BPTF: variants seen among roughly 807,000 people sequenced by gnomAD.
The protein encoded by BPTF is bromodomain PHD finger transcription factor.
In BPTF, 18 loss-of-function variants were observed where a neutral mutation model predicts 292.5. That is an observed-to-expected ratio of 0.06 (90% CI 0.04 to 0.09). BPTF has a LOEUF of 0.09. Among genes scored for constraint, BPTF ranks in the 10% least tolerant of loss-of-function variants. BPTF has a pLI of 1.00. For missense variants in BPTF, 2,726 were observed against 3,498.7 expected (o/e 0.78, Z 5.57); for synonymous variants, 1,225 against 1,251.9 (o/e 0.98, Z 0.45).
In BPTF at chr17:67,924,482, C is replaced by T. The variant is rs979653985; in HGVS notation, c.5709-65C>T. The T allele has an allele frequency of 1.1e-5, 16 of 1,478,156 alleles. No individual in the cohort carries two copies. In the African/African-American group the frequency reaches 2.3e-4, roughly 21 times the overall value. 91.6% of individuals were successfully genotyped at this position (1,478,156 alleles called of 1,614,324 possible). ...TGATGTGAAAATCAACCAGATTTCA[C>T]TCTTATTAGATGCCAGATGCCTAAC... On this transcript the variant is annotated intron_variant, in intron 14 of 27. Coordinates refer to ENST00000306378, the MANE Select transcript of BPTF (RefSeq NM_182641.4).
At chr17:67,921,698 GAAGT>G (rs1267833558) in intron 13 of BPTF, among the ~76,000 whole-genome samples, 5 of 152,098 alleles carry the variant, frequency 3.3e-5, no homozygotes, top group Admixed American at 1.3e-4. Flanking sequence ...GAGTACCAAT[GAAGT>G]AATACCTGTT....
At chr17:67,866,113 CCT>C in intron 2 of BPTF, among the ~76,000 whole-genome samples, 1 of 152,044 alleles carries the variant, frequency 6.6e-6, no homozygotes, top group African/African-American at 2.4e-5. Context: ...AGAGTGAGAC[CCT>C]GTCTCTAAAA....
intron 1 of BPTF, among the ~76,000 whole-genome samples, chr17:67,840,721 C>G (rs1372884685): frequency 6.6e-6 from 1 of 151,728 alleles, no homozygotes; most frequent in Non-Finnish European, 1.5e-5. Context: ...TGCCACTATG[C>G]CTGGCTAATT....
chr17:67,828,849 G>A (rs2056371315), intron 1 of BPTF, among the ~76,000 whole-genome samples: 1 of 152,168 alleles, frequency 6.6e-6, no homozygotes, highest in South Asian at 2.1e-4. Context: ...TTTTCTTAAT[G>A]ACACTTGTGT....
chr17:67,841,772 T>C (rs2057571589), intron 1 of BPTF, among the ~76,000 whole-genome samples: 1 of 152,202 alleles, frequency 6.6e-6, no homozygotes, highest in Admixed American at 6.5e-5. Context: ...CTCTTTTAAT[T>C]AATGTGTTTT....
chr17:67,864,090 T>G (rs1025575347), intron 2 of BPTF, among the ~76,000 whole-genome samples: 3 of 152,104 alleles, frequency 2.0e-5, no homozygotes, highest in African/African-American at 7.2e-5. Context: ...AACCAGAGCT[T>G]CTACAGAACC....
chr17:67,963,182 G>A, intron 24 of BPTF: 1 of 921,134 alleles, frequency 1.1e-6, no homozygotes, highest in Non-Finnish European at 1.5e-6. Flanking sequence ...GAGTTTGCCA[G>A]GAGTAGAATG....
chr17:67,951,995 C>CA (rs1210124791), intron 23 of BPTF, among the ~76,000 whole-genome samples: 1 of 134,964 alleles, frequency 7.4e-6, no homozygotes, highest in East Asian at 2.2e-4. Flanking sequence ...GTGGAGGTTG[C>CA]AGTGACCCGA....
At chr17:67,980,766 G>A (rs1599087618) in intron 27 of BPTF, among the ~76,000 whole-genome samples, 3 of 152,216 alleles carry the variant, frequency 2.0e-5, no homozygotes, top group South Asian at 4.1e-4. Flanking sequence ...TTCTTGCCAC[G>A]TGGTTATTTT....
intron 27 of BPTF, among the ~76,000 whole-genome samples, chr17:67,976,714 A>AAAAAAAAG (rs1555694156): frequency 1.2e-4 from 14 of 116,568 alleles, no homozygotes; most frequent in African/African-American, 5.0e-4. Flanking sequence ...AAAAAAAAAA[A>AAAAAAAAG]ATAAGAATAA....
intron 2 of BPTF, among the ~76,000 whole-genome samples, chr17:67,862,255 C>A (rs960269879): frequency 6.6e-6 from 1 of 152,150 alleles, no homozygotes; most frequent in Non-Finnish European, 1.5e-5. Flanking sequence ...GGATTACAGG[C>A]GTGAGCCATC....
At chr17:67,904,901 T>G (rs2062071840) in intron 9 of BPTF, 61 bp downstream of exon 9, 2 of 1,328,942 alleles carry the variant, frequency 1.5e-6, no homozygotes, top group Admixed American at 4.5e-5. Context: ...CTTATAAATT[T>G]GTAGTATTTT....
chr17:67,950,162 G>A (rs2066206144), intron 23 of BPTF, among the ~76,000 whole-genome samples: 1 of 151,662 alleles, frequency 6.6e-6, no homozygotes, highest in African/African-American at 2.4e-5. Flanking sequence ...CTTTGGAGAG[G>A]CCGAGGCGGG....
At chr17:67,957,732 G>C (rs1555681731) in intron 23 of BPTF, among the ~76,000 whole-genome samples, 2 of 152,190 alleles carry the variant, frequency 1.3e-5, no homozygotes, top group African/African-American at 4.8e-5. Context: ...ATGGTAGTGA[G>C]CACCTGTAGC....
intron 4 of BPTF, among the ~76,000 whole-genome samples, chr17:67,883,103 A>G (rs1202136466): frequency 6.6e-6 from 1 of 151,994 alleles, no homozygotes; most frequent in Non-Finnish European, 1.5e-5. Flanking sequence ...ATCACAGATC[A>G]GGAGTTCGAG....
chr17:67,954,020 T>G (rs2066678753), intron 23 of BPTF, among the ~76,000 whole-genome samples: 1 of 110,866 alleles, frequency 9.0e-6, no homozygotes, highest in South Asian at 3.2e-4. Flanking sequence ...AGGGCCTTGT[T>G]CTGTTGCCCA....
chr17:67,855,672 T>C (rs2058647402), intron 2 of BPTF, among the ~76,000 whole-genome samples: 1 of 152,206 alleles, frequency 6.6e-6, no homozygotes, highest in Admixed American at 6.5e-5. Flanking sequence ...GGCAGGGTTA[T>C]AGTGTGGACT....
chr17:67,969,634 A>G (rs2068548151), intron 26 of BPTF, among the ~76,000 whole-genome samples: 2 of 147,118 alleles, frequency 1.4e-5, no homozygotes, highest in African/African-American at 5.4e-5. Flanking sequence ...TATTTAACCA[A>G]AATTATTTTC....
At chr17:67,930,247 G>A (rs1455929855) in intron 17 of BPTF, among the ~76,000 whole-genome samples, 1 of 152,048 alleles carries the variant, frequency 6.6e-6, no homozygotes, top group Non-Finnish European at 1.5e-5. Context: ...TCCCCAGGCT[G>A]GAATGCAATG....
Sources: gnomAD v4.1 joint callset for allele counts (sites outside exome capture counted in the v4.1 genomes callset) on GRCh38, gnomAD v4.1.1 for gene constraint, MANE v1.5 for transcripts, NCBI Gene and HGNC (gene_info 2026-07-23, HGNC 2026-07-21) for gene names.